TEX15: variants seen among roughly 807,000 people sequenced by gnomAD.
The protein encoded by TEX15 is testis expressed 15, meiosis and synapsis associated, also known as testis-expressed protein 15.
In TEX15, 171 loss-of-function variants were observed where a neutral mutation model predicts 237.3. The observed-to-expected ratio is 0.72, with a 90% CI of 0.64 to 0.82. The LOEUF is 0.82. Among genes scored for constraint, TEX15 ranks in the 40% least tolerant of loss-of-function variants. The probability of loss-of-function intolerance (pLI) is 0.00; values close to 1 mark genes in which losing one functional copy is unlikely to be tolerated. For missense variants in TEX15, 3,750 were observed against 3,646.5 expected, an observed-to-expected ratio of 1.03 and a Z score of -0.73; for synonymous variants, 1,338 against 1,269.8, an observed-to-expected ratio of 1.05 and a Z score of -1.14.
chr8:30,836,794 G>A lies in TEX15; in HGVS notation c.9481+9C>T. 1.3e-6 allele frequency: 2 copies of A among 1,575,874 alleles called. No individual in the cohort carries two copies. On this transcript the variant is annotated intron_variant, in intron 10 of 10. Coordinates refer to ENST00000643185, the MANE Select transcript of TEX15 (RefSeq NM_001350162.2). The stretch of plus-strand genomic sequence containing the variant: ...CTCAATAAAGCAGGCATTAAAATGT[G>A]AAACTCACCATAAACCCAAGGAACT...
At position 30,848,592 on chromosome 8, in the gene TEX15, T is replaced by C; in HGVS notation, c.1575A>G (p.Lys525=). Reference sequence around the variant, plus strand: ...CCTTACATTGCCCTGCCATGGTAACTTTATTGGGAGGTATACAGTCATAGT... The same window carrying C: ...CCTTACATTGCCCTGCCATGGTAACCTTATTGGGAGGTATACAGTCATAGT... ...SEDYDCIPPN[K]VTMAGQCKDQ... is the part of the protein sequence containing the mutation. Residue 525 remains lysine, a synonymous_variant, in exon 8 of 11, where the codon AAA becomes AAG. Transcript: ENST00000643185. 1.2e-6 allele frequency: 2 copies of C among 1,614,112 alleles called. No individual in the cohort carries two copies. The highest frequency in any genetic ancestry group is 2.7e-5 in the African/African-American group (2 of 75,044).
chr8:30,910,538 G>A lies in TEX15; in HGVS notation c.-86+2341C>T, dbSNP rs183021292. 1.8e-3 allele frequency among the ~76,000 whole-genome samples: 266 copies of A among 151,812 alleles called. 1 individual carries two copies. Among genetic ancestry groups the A allele is most frequent in the African/African-American group, 6.2e-3 (257 of 41,318 alleles). On this transcript the variant is annotated intron_variant, in intron 1 of 10. Coordinates refer to ENST00000643185, the MANE Select transcript of TEX15 (RefSeq NM_001350162.2). Reference sequence around the variant, plus strand: ...CGGTTTCCTGCAGCCTTGACCACCCGGGCTCAAGCAATCTTCCCATTTTAG... The same window carrying A: ...CGGTTTCCTGCAGCCTTGACCACCCAGGCTCAAGCAATCTTCCCATTTTAG...
At chr8:30,875,873 A>C (rs1222383513) in intron 3 of TEX15, among the ~76,000 whole-genome samples, 1 of 150,962 alleles carries the variant, frequency 6.6e-6, no homozygotes, top group African/African-American at 2.4e-5. Context: ...GTGCAGTGGT[A>C]TGATCATTTC....
intron 1 of TEX15, among the ~76,000 whole-genome samples, chr8:30,905,444 C>T (rs926510805): frequency 6.6e-6 from 1 of 151,932 alleles, no homozygotes; most frequent in African/African-American, 2.4e-5. Flanking sequence ...ACCAGATCAC[C>T]AAAATAGAGT....
intron 7 of TEX15, among the ~76,000 whole-genome samples, chr8:30,853,543 T>C (rs1807836400): frequency 6.6e-6 from 1 of 152,160 alleles, no homozygotes; most frequent in Non-Finnish European, 1.5e-5. Flanking sequence ...AAATGTGGTA[T>C]TGGTATTATA....
intron 4 of TEX15, among the ~76,000 whole-genome samples, chr8:30,869,322 C>T (rs1412803046): frequency 6.6e-6 from 1 of 151,872 alleles, no homozygotes; most frequent in Admixed American, 6.6e-5. Context: ...TGAAACTGTG[C>T]CCCCAAGAAT....
intron 3 of TEX15, among the ~76,000 whole-genome samples, chr8:30,878,756 C>T: frequency 6.6e-6 from 1 of 152,164 alleles, no homozygotes; most frequent in East Asian, 1.9e-4. Context: ...AACTCCTGGG[C>T]TCCAGCAATC....
Position 30,837,452 on chromosome 8 carries a change from G to C in TEX15, c.8832C>G (p.Asn2944Lys). 6.2e-7 allele frequency: 1 copy of C among 1,614,082 alleles called. No homozygotes were observed. Among genetic ancestry groups the C allele is most frequent in the Non-Finnish European group, 8.5e-7 (1 of 1,179,996 alleles). The change falls in exon 10 of 11, where the codon AAC becomes AAG. Residue 2944 changes from asparagine (N) to lysine (K), a missense_variant. Transcript: ENST00000643185. ...TGTTTATCTGCAGAGTAGGAATTTTGTTCTGGATACAGATGGGTTCTGGAG... is the reference window on the plus strand; with the variant it reads ...TGTTTATCTGCAGAGTAGGAATTTTCTTCTGGATACAGATGGGTTCTGGAG... ...MTSPEPICIQ[N>K]KIPTLQINKL...
chr8:30,836,314 A>G (rs1807298354), intron 10 of TEX15, among the ~76,000 whole-genome samples: 1 of 138,878 alleles, frequency 7.2e-6, no homozygotes, highest in Non-Finnish European at 1.5e-5. Flanking sequence ...CCTGAGTTCA[A>G]GCGATTCTCT....
intron 7 of TEX15, 64 bp downstream of exon 7, chr8:30,858,604 T>C: frequency 4.4e-6 from 6 of 1,365,032 alleles, no homozygotes; most frequent in Non-Finnish European, 5.9e-6. Context: ...AGCCAGTAAA[T>C]AATACTGAGA....
Position 30,844,924 on chromosome 8 carries a change from A to G in TEX15, c.5243T>C (p.Phe1748Ser). 2 of 1,613,492 alleles carry G rather than the reference A, an allele frequency of 1.2e-6. No homozygotes were observed. Among genetic ancestry groups the G allele is most frequent in the South Asian group, 1.1e-5 (1 of 91,070 alleles). ...GTGTGGTACAGTACTGGATGCTGCA[A>G]AAGAATCTACAGTAAGAATTCTCTG... is the stretch of plus-strand genomic sequence containing the variant. ...DKQRILTVDSFAASSTVPHCE... is the reference protein window; with the variant it reads ...DKQRILTVDSSAASSTVPHCE... Residue 1748 changes from phenylalanine (F) to serine (S), a missense_variant, in exon 8 of 11, where the codon TTT becomes TCT. Transcript: ENST00000643185.
At chr8:30,889,942 T>TAC (rs1419386903) in intron 2 of TEX15, among the ~76,000 whole-genome samples, 2 of 131,238 alleles carry the variant, frequency 1.5e-5, no homozygotes, top group Non-Finnish European at 3.1e-5. Context: ...TACATATATA[T>TAC]ATATATATAT....
chr8:30,842,092 G>A lies in TEX15; in HGVS notation c.8075C>T (p.Ser2692Phe), dbSNP rs1585280796. 6.2e-7 allele frequency: 1 copy of A among 1,613,482 alleles called. No homozygotes were observed. Among genetic ancestry groups the A allele is most frequent in the Admixed American group, 1.7e-5 (1 of 59,992 alleles). Reference sequence around the variant, plus strand: ...GTCTACAGTGCTCGGTCGTTTTTTAGAGGAATTTGAGATGTTTTTGTTTAT... The same window carrying A: ...GTCTACAGTGCTCGGTCGTTTTTTAAAGGAATTTGAGATGTTTTTGTTTAT... The part of the protein sequence containing the change: ...ECINKNISNS[S>F]KKRPSTVDKC... Residue 2692 changes from serine to phenylalanine, a missense_variant, in exon 8 of 11, where the codon TCT (serine) becomes TTT (phenylalanine). Ser to Phe is a radical substitution (Grantham distance 155). Coordinates refer to ENST00000643185, the MANE Select transcript of TEX15 (RefSeq NM_001350162.2).
At chr8:30,836,659 C>T (rs1005396276) in intron 10 of TEX15, 144 bp downstream of exon 10, 1 of 746,692 alleles carries the variant, frequency 1.3e-6, no homozygotes, top group Admixed American at 3.0e-5. Flanking sequence ...TCTGCCCAAT[C>T]CATTGGCAAT....
rs1254640595 is a variant in TEX15 at position 30,847,528 on chromosome 8, T to C, written c.2639A>G (p.Glu880Gly). ...CTGCTTTTTGTCTCCATATATGTTC[T>C]CTATGTTGTTTTCTACACATGAAGC... Reference protein sequence around the residue: ...NSASCVENNIENIYGDKKQDS... With the variant: ...NSASCVENNIGNIYGDKKQDS... Residue 880 changes from glutamate to glycine, a missense_variant, in exon 8 of 11, where the codon GAG becomes GGG. By Grantham distance (98) the Glu-to-Gly change is moderately conservative (BLOSUM62 -2). Coordinates refer to ENST00000643185, the MANE Select transcript of TEX15 (RefSeq NM_001350162.2). 4 of 1,613,360 alleles carry C rather than the reference T, an allele frequency of 2.5e-6. No individual in the cohort carries two copies.
At chr8:30,876,198 T>C (rs1264843190) in intron 3 of TEX15, among the ~76,000 whole-genome samples, 1 of 152,194 alleles carries the variant, frequency 6.6e-6, no homozygotes, top group Non-Finnish European at 1.5e-5. Context: ...ACCAATCTCA[T>C]CAGTTTTGAA....
rs1194716345 is a variant in TEX15, at chr8:30,837,021, T to A, written c.9263A>T (p.His3088Leu). The A allele has an allele frequency of 6.2e-7, 1 of 1,614,150 alleles. No individual in the cohort carries two copies. Among genetic ancestry groups the A allele is most frequent in the South Asian group, 1.1e-5 (1 of 91,074 alleles). Residue 3088 changes from histidine to leucine, a missense_variant, in exon 10 of 11, where the codon CAT (histidine) becomes CTT (leucine). By Grantham distance (99) the His-to-Leu change is moderately conservative. Coordinates refer to ENST00000643185, the MANE Select transcript of TEX15 (RefSeq NM_001350162.2). ...TTVASTAQGT[H>L]SNLLYSQYFT... ...ATATTGAGAGTACAGAAGATTAGAA[T>A]GTGTGCCCTGGGCAGTACTTGCAAC...
chr8:30,910,751 ATAATT>A lies in TEX15; in HGVS notation c.-86+2123_-86+2127del, dbSNP rs1201249904. Among the ~76,000 whole-genome samples, 4 of 151,764 alleles carry A rather than the reference ATAATT, an allele frequency of 2.6e-5. No homozygotes were observed. The East Asian group carries it at 7.7e-4, about 29-fold the overall frequency. ...ATGGCATTATTTGGCACTCATCCAA[ATAATT>A]TATTTAAAAAAGAAAACATACATGG... is the stretch of plus-strand genomic sequence containing the variant. On this transcript the variant is annotated intron_variant, in intron 1 of 10. Coordinates refer to ENST00000643185, the MANE Select transcript of TEX15 (RefSeq NM_001350162.2).
chr8:30,905,098 T>C (rs1224382327), intron 1 of TEX15, among the ~76,000 whole-genome samples: 3 of 152,184 alleles, frequency 2.0e-5, no homozygotes, highest in Non-Finnish European at 4.4e-5. Flanking sequence ...AATTTTAATA[T>C]AACTTGTCTA....
Sources: allele counts gnomAD v4.1 joint callset (sites outside exome capture counted in the v4.1 genomes callset), GRCh38; gene constraint gnomAD v4.1.1; transcripts MANE v1.5; gene names NCBI Gene and HGNC (gene_info 2026-07-23, HGNC 2026-07-21).